Variants in KIF26B observed in about 807,000 individuals in gnomAD.
KIF26B encodes the protein kinesin family member 26B, also known as kinesin-like protein KIF26B.
KIF26B carries 63 observed loss-of-function variants against 151.2 expected under a neutral mutation model. That is an observed-to-expected ratio of 0.42 (90% CI 0.34 to 0.51). The LOEUF (loss-of-function observed/expected upper bound fraction) is 0.51, where lower values mean the gene tolerates loss of function less well. Ranked by LOEUF, KIF26B falls within the 20% of genes least tolerant of loss-of-function variation. The probability of loss-of-function intolerance (pLI) is 0.07; values close to 1 mark genes in which losing one functional copy is unlikely to be tolerated. For synonymous variants in KIF26B, 1,357 were observed against 1,262.1 expected (o/e 1.08, Z -1.59); for missense variants, 2,813 against 2,913.6 (o/e 0.97, Z 0.79).
intron 5 of KIF26B, among the ~76,000 whole-genome samples, chr1:245,596,704 G>A (rs1048728817): frequency 2.6e-5 from 4 of 152,114 alleles, no homozygotes; most frequent in African/African-American, 9.7e-5. Flanking sequence ...TTAATTTTCT[G>A]TCTCGTTGCT....
At chr1:245,277,542 C>T (rs1258337456) in intron 2 of KIF26B, among the ~76,000 whole-genome samples, 2 of 152,110 alleles carry the variant, frequency 1.3e-5, no homozygotes, top group African/African-American at 2.4e-5. Flanking sequence ...CTGTGTGGCT[C>T]CAGACCCCTG....
chr1:245,190,088 A>G (rs972473410), intron 2 of KIF26B, among the ~76,000 whole-genome samples: 39 of 106,674 alleles, frequency 3.7e-4, no homozygotes, highest in Admixed American at 3.2e-3. Flanking sequence ...AAATTAACCT[A>G]TGAAACCATC....
At chr1:245,671,668 T>A (rs1006810857) in intron 10 of KIF26B, among the ~76,000 whole-genome samples, 4 of 152,180 alleles carry the variant, frequency 2.6e-5, no homozygotes, top group African/African-American at 9.6e-5. Context: ...AAAAGGCAGG[T>A]GATTTCTAAG....
chr1:245,541,317 A>G (rs925877800), intron 5 of KIF26B, among the ~76,000 whole-genome samples: 10 of 152,164 alleles, frequency 6.6e-5, no homozygotes, highest in Non-Finnish European at 1.5e-4. Context: ...AGGCCTCATA[A>G]TTTCCCTGTG....
intron 2 of KIF26B, among the ~76,000 whole-genome samples, chr1:245,164,722 G>C (rs984984466): frequency 3.9e-5 from 6 of 152,206 alleles, no homozygotes; most frequent in Non-Finnish European, 8.8e-5. Context: ...CCTGTAGGAC[G>C]TGGGCAGCCA....
chr1:245,289,554 G>A (rs564578092), intron 2 of KIF26B, among the ~76,000 whole-genome samples: 1 of 152,162 alleles, frequency 6.6e-6, no homozygotes, highest in East Asian at 1.9e-4. Context: ...CTGTGGCTTT[G>A]TGGCTCCAAT....
intron 5 of KIF26B, among the ~76,000 whole-genome samples, chr1:245,543,013 A>G (rs11585012): frequency 0.087 from 13,109 of 150,042 alleles, 657 homozygotes; most frequent in Middle Eastern, 0.15. Flanking sequence ...ATGTACCCCA[A>G]TACCGCCCTG....
chr1:245,575,815 G>GT (rs2043112727), intron 5 of KIF26B, among the ~76,000 whole-genome samples: 1 of 152,190 alleles, frequency 6.6e-6, no homozygotes. Flanking sequence ...TGTTTTGTGT[G>GT]TGTGTGTGAC....
chr1:245,170,232 C>G lies in KIF26B; in HGVS notation c.465+13549C>G, dbSNP rs1214609825. On this transcript the variant is annotated intron_variant, in intron 2 of 14. Coordinates refer to ENST00000407071, the MANE Select transcript of KIF26B (RefSeq NM_018012.4). The surrounding 1 kb of genome is among the most constrained non-coding windows in gnomAD (Gnocchi z 4.4). ...GTATTCCAGCAAAGAGTGAAATTCACAGGGAGCACAGAGTAAGAGCAGCGC... is the reference window on the plus strand; with the variant it reads ...GTATTCCAGCAAAGAGTGAAATTCAGAGGGAGCACAGAGTAAGAGCAGCGC... 6.6e-6 allele frequency among the ~76,000 whole-genome samples: 1 copy of G among 152,172 alleles called. No homozygotes were observed. Among genetic ancestry groups the G allele is most frequent in the Non-Finnish European group, 1.5e-5 (1 of 68,038 alleles).
At chr1:245,499,508 G>A (rs1026162154) in intron 4 of KIF26B, among the ~76,000 whole-genome samples, 2 of 152,092 alleles carry the variant, frequency 1.3e-5, no homozygotes, top group East Asian at 3.9e-4. Flanking sequence ...TATTATTCCG[G>A]GACACGTAAA....
At chr1:245,701,966 T>C (rs1284358577) in intron 14 of KIF26B, among the ~76,000 whole-genome samples, 4 of 150,342 alleles carry the variant, frequency 2.7e-5, no homozygotes, top group Non-Finnish European at 6.0e-5. Context: ...TGATACAGAC[T>C]TTTTACTCTG....
chr1:245,303,321 C>T (rs1197908588), intron 2 of KIF26B, among the ~76,000 whole-genome samples: 1 of 150,954 alleles, frequency 6.6e-6, no homozygotes, highest in Non-Finnish European at 1.5e-5. Context: ...GCCTCAGCCT[C>T]CCGAGTAGCT....
rs1558138356 is a variant in KIF26B at position 245,367,900 on chromosome 1, A to C, written c.999+533A>C. On this transcript the variant is annotated intron_variant, in intron 3 of 14. Transcript: ENST00000407071. This position sits in a 1 kb window ranked among gnomAD's most constrained non-coding sequence, Gnocchi z 4.2. ...AACACCTGCCATATAGTAGGGGATC[A>C]TTGTTGTGCCTGTTAACAGAGATTT... Among the ~76,000 whole-genome samples, 1 of 152,226 alleles carries C rather than the reference A, an allele frequency of 6.6e-6. No individual in the cohort carries two copies. The highest frequency in any genetic ancestry group is 2.4e-5 in the African/African-American group (1 of 41,478).
intron 6 of KIF26B, among the ~76,000 whole-genome samples, chr1:245,604,552 T>C (rs1451455974): frequency 1.3e-5 from 2 of 152,238 alleles, no homozygotes; most frequent in Non-Finnish European, 2.9e-5. Flanking sequence ...ACAAATGGCC[T>C]ACAAATAATT....
At chr1:245,683,281 A>T (rs921464207) in intron 10 of KIF26B, among the ~76,000 whole-genome samples, 1 of 151,930 alleles carries the variant, frequency 6.6e-6, no homozygotes, top group Non-Finnish European at 1.5e-5. Context: ...CACAGCATGG[A>T]GATATGAGCA....
At chr1:245,683,709 AGGGACAAT>A (rs938102505) in intron 10 of KIF26B, among the ~76,000 whole-genome samples, 68 of 152,326 alleles carry the variant, frequency 4.5e-4, no homozygotes, top group African/African-American at 1.5e-3. Context: ...ATGCGAGTTA[AGGGACAAT>A]GCCAATAAAG....
rs1553300738 is a variant in KIF26B, at chr1:245,652,145, TGA to T, written c.2258+5872_2258+5873del. On this transcript the variant is annotated intron_variant, in intron 10 of 14. Transcript: ENST00000407071. ...GTGTGTGTGTGTGTGTGTGTGTGTG[TGA>T]GAGAGACATATGCATATTTAACCTC... Among the ~76,000 whole-genome samples, 156 of 142,752 alleles carry T rather than the reference TGA, an allele frequency of 1.1e-3. 1 individual carries two copies. Among genetic ancestry groups the T allele is most frequent in the African/African-American group, 2.4e-3 (86 of 36,462 alleles). The allele number at this position is 142,752 out of a possible 152,430, so 93.7% of individuals were successfully genotyped here. A position where few individuals can be genotyped will look rare whatever the true frequency, so the allele number is the denominator to read the frequency against.
At chr1:245,688,890 G>A in intron 12 of KIF26B, 83 bp downstream of exon 12, 1 of 1,448,868 alleles carries the variant, frequency 6.9e-7, no homozygotes, top group Non-Finnish European at 9.1e-7. Flanking sequence ...GGTGTCCCGT[G>A]CCCTGGGGAG....
chr1:245,381,778 C>A (rs551042896), intron 3 of KIF26B, among the ~76,000 whole-genome samples: 6 of 152,200 alleles, frequency 3.9e-5, no homozygotes, highest in Admixed American at 3.9e-4. Context: ...ACTTTGTTTC[C>A]GTGAATCTGA....
Sources: gnomAD v4.1 joint callset for allele counts (sites outside exome capture counted in the v4.1 genomes callset) on GRCh38, gnomAD v4.1.1 for gene constraint, Gnocchi (gnomAD v3.1) non-coding constraint, MANE v1.5 for transcripts, NCBI Gene and HGNC (gene_info 2026-07-23, HGNC 2026-07-21) for gene names.